Variants in RIMS1 observed in about 807,000 individuals in gnomAD.
The protein encoded by RIMS1 is regulating synaptic membrane exocytosis protein 1.
In RIMS1, 83 loss-of-function variants were observed where a neutral mutation model predicts 214.1. That is an observed-to-expected ratio of 0.39 (90% CI 0.32 to 0.47). The LOEUF (loss-of-function observed/expected upper bound fraction) is 0.47, where lower values mean the gene tolerates loss of function less well. RIMS1 is among the 20% of genes least tolerant of loss of function. The pLI, the probability that RIMS1 is intolerant of heterozygous loss-of-function variation, is 0.99. For missense variants in RIMS1, 2,050 were observed against 2,161.8 expected (o/e 0.95, Z 1.03); for synonymous variants, 793 against 786.8 (o/e 1.01, Z -0.13).
chr6:72,223,537 TAGAAA>T, intron 6 of RIMS1, among the ~76,000 whole-genome samples: 1 of 152,176 alleles, frequency 6.6e-6, no homozygotes, highest in South Asian at 2.1e-4. Flanking sequence ...TTAAAATACA[TAGAAA>T]AGATCAGTAA....
chr6:72,354,328 T>C (rs927909321), intron 29 of RIMS1, among the ~76,000 whole-genome samples: 3 of 152,354 alleles, frequency 2.0e-5, no homozygotes, highest in Admixed American at 2.0e-4. Flanking sequence ...TGGAAAATTC[T>C]AGCTCTTAAG....
chr6:72,263,557 G>GAA (rs200783702), intron 19 of RIMS1: 2 of 981,362 alleles, frequency 2.0e-6, no homozygotes, highest in African/African-American at 3.5e-5. Flanking sequence ...TCCCATTCTT[G>GAA]AAAAAAAAAT....
At chr6:71,988,880 G>A (rs1042045270) in intron 2 of RIMS1, among the ~76,000 whole-genome samples, 1 of 152,130 alleles carries the variant, frequency 6.6e-6, no homozygotes. Context: ...ACATGTGGGG[G>A]CCATTTGTTA....
At chr6:72,235,904 T>TTCG (rs2063829582) in intron 8 of RIMS1, among the ~76,000 whole-genome samples, 176 bp downstream of exon 8, 1 of 152,158 alleles carries the variant, frequency 6.6e-6, no homozygotes, top group Non-Finnish European at 1.5e-5. Flanking sequence ...TAATGTATTC[T>TTCG]GACTATAAAG....
chr6:72,201,850 C>G (rs1372901909), intron 6 of RIMS1, among the ~76,000 whole-genome samples: 1 of 152,122 alleles, frequency 6.6e-6, no homozygotes, highest in Non-Finnish European at 1.5e-5. Flanking sequence ...TTCTGTTGCC[C>G]AAGTCTTCAG....
intron 2 of RIMS1, among the ~76,000 whole-genome samples, chr6:72,045,119 T>A (rs1489257992): frequency 6.6e-6 from 1 of 151,948 alleles, no homozygotes; most frequent in Non-Finnish European, 1.5e-5. Context: ...TTCTATAGGA[T>A]TCTATTCATA....
chr6:72,151,203 T>C (rs2463705), intron 4 of RIMS1, among the ~76,000 whole-genome samples: 149,622 of 152,182 alleles, frequency 0.98, 73,599 homozygotes, highest in East Asian at 1. Flanking sequence ...CCACCATGCC[T>C]GGCTAATTTT....
chr6:72,140,268 A>G (rs2153880191), intron 4 of RIMS1, among the ~76,000 whole-genome samples: 1 of 152,276 alleles, frequency 6.6e-6, no homozygotes, highest in East Asian at 1.9e-4. Context: ...ATTATCAGCA[A>G]GGAACACTAT....
chr6:71,957,515 A>C (rs1791629813), intron 1 of RIMS1, among the ~76,000 whole-genome samples: 1 of 142,192 alleles, frequency 7.0e-6, no homozygotes, highest in Non-Finnish European at 1.5e-5. Flanking sequence ...TGACTTTGAC[A>C]AAAGTGGTGA....
rs114173142 is a variant in RIMS1 at position 71,944,339 on chromosome 6, G to A, written c.165-24644G>A. ...AGATGTATAAGCATAGAATTGTGTA[G>A]AGAAGAAGAGGCACCCCTTTCTCTT... On this transcript the variant is annotated intron_variant, in intron 1 of 33. Transcript: ENST00000521978. Among the ~76,000 whole-genome samples, 556 of 152,310 alleles carry A rather than the reference G, an allele frequency of 3.7e-3. 4 individuals are homozygous for A. The highest frequency in any genetic ancestry group is 0.013 in the African/African-American group (535 of 41,568).
intron 2 of RIMS1, among the ~76,000 whole-genome samples, chr6:72,090,070 A>G (rs1276237657): frequency 6.6e-6 from 1 of 151,014 alleles, no homozygotes; most frequent in African/African-American, 2.4e-5. Flanking sequence ...ACCTAATGCT[A>G]GATGACGAGT....
chr6:72,115,499 C>T (rs2036904866), intron 4 of RIMS1, among the ~76,000 whole-genome samples: 2 of 151,912 alleles, frequency 1.3e-5, no homozygotes, highest in South Asian at 4.1e-4. Flanking sequence ...CCCGCTTAGA[C>T]TTTTGGTTAA....
chr6:71,931,564 C>T (rs902018772), intron 1 of RIMS1, among the ~76,000 whole-genome samples: 4 of 151,736 alleles, frequency 2.6e-5, no homozygotes, highest in East Asian at 3.9e-4. Context: ...AGTGTCTGTT[C>T]GTGTCCTTTG....
chr6:72,335,551 A>C (rs1314941147), intron 29 of RIMS1, among the ~76,000 whole-genome samples: 3 of 151,970 alleles, frequency 2.0e-5, no homozygotes, highest in Non-Finnish European at 4.4e-5. Context: ...ATGTGTCTTT[A>C]TAGTAGAATG....
intron 28 of RIMS1, among the ~76,000 whole-genome samples, chr6:72,319,982 A>G (rs1004001421): frequency 5.3e-5 from 8 of 152,144 alleles, no homozygotes; most frequent in African/African-American, 1.7e-4. Context: ...GAAGTATTAG[A>G]TAAGTTACTT....
At position 72,332,298 on chromosome 6, in the gene RIMS1, G is replaced by C. The variant is rs187181091; in HGVS notation, c.4131-1302G>C. On this transcript the variant is annotated intron_variant, in intron 28 of 33. Coordinates refer to ENST00000521978, the MANE Select transcript of RIMS1 (RefSeq NM_014989.7). ...TTTTGAGGAAACATAAAATTAAGAGGGTCATTTTAGGTGTATCAAACCAGG... is the reference window on the plus strand; with the variant it reads ...TTTTGAGGAAACATAAAATTAAGAGCGTCATTTTAGGTGTATCAAACCAGG... Among the ~76,000 whole-genome samples the C allele has an allele frequency of 5.9e-3, 902 of 151,600 alleles. 9 individuals are homozygous for C. Among genetic ancestry groups the C allele is most frequent in the Non-Finnish European group, 9.5e-3 (643 of 67,786 alleles).
intron 29 of RIMS1, among the ~76,000 whole-genome samples, chr6:72,352,134 A>G (rs1048047491): frequency 1.6e-4 from 25 of 152,316 alleles, no homozygotes; most frequent in Middle Eastern, 6.8e-3. Context: ...TTACTGTACA[A>G]CCATGCCAGC....
rs1234450205 is a variant in RIMS1 at position 72,333,809 on chromosome 6, G to T, written c.4340G>T (p.Arg1447Ile). Residue 1447 changes from arginine (R) to isoleucine (I), a missense_variant, in exon 29 of 34, where the codon AGA becomes ATA. Physicochemically the swap from Arg to Ile is moderately conservative, Grantham distance 97. Transcript: ENST00000521978. ...KVVAIVSRRS[R>I]STSQLSQTES... ...GTTGCCATAGTGTCTCGAAGGAGTA[G>T]AAGCACATCCCAGCTTAGTCAAACA... is the stretch of plus-strand genomic sequence containing the variant. The T allele has an allele frequency of 6.3e-7, 1 of 1,588,910 alleles. No homozygotes were observed. Among genetic ancestry groups the T allele is most frequent in the Non-Finnish European group, 8.6e-7 (1 of 1,167,378 alleles).
intron 1 of RIMS1, among the ~76,000 whole-genome samples, chr6:71,912,654 C>G (rs1054765838): frequency 5.9e-5 from 9 of 152,102 alleles, no homozygotes; most frequent in Middle Eastern, 6.8e-3. Flanking sequence ...TTCAAGAGGT[C>G]TCGATGAAAC....
Sources: gnomAD v4.1 joint callset for allele counts (sites outside exome capture counted in the v4.1 genomes callset) on GRCh38, gnomAD v4.1.1 for gene constraint, MANE v1.5 for transcripts, NCBI Gene and HGNC (gene_info 2026-07-23, HGNC 2026-07-21) for gene names.